BMPR1B: variants seen among roughly 807,000 people sequenced by gnomAD.
The protein encoded by BMPR1B is bone morphogenetic protein receptor type-1B.
BMPR1B carries 12 observed loss-of-function variants against 59.1 expected under a neutral mutation model. The ratio of observed to expected loss-of-function variants is 0.20; its 90% CI spans 0.13 to 0.33. The LOEUF is 0.33. Among genes scored for constraint, BMPR1B ranks in the 10% least tolerant of loss-of-function variants. The probability of loss-of-function intolerance (pLI) is 1.00; values close to 1 mark genes in which losing one functional copy is unlikely to be tolerated. For synonymous variants in BMPR1B, 237 were observed against 207.3 expected (o/e 1.14, Z -1.23); for missense variants, 550 against 610.9 (o/e 0.90, Z 1.05).
At chr4:95,134,731 T>G (rs1418084978) in intron 10 of BMPR1B, among the ~76,000 whole-genome samples, 1 of 152,162 alleles carries the variant, frequency 6.6e-6, no homozygotes, top group Non-Finnish European at 1.5e-5. Flanking sequence ...TTCTTGTAAA[T>G]TTGTTTGAGT....
chr4:94,798,686 G>A (rs1159243044), intron 1 of BMPR1B, among the ~76,000 whole-genome samples: 2 of 152,172 alleles, frequency 1.3e-5, no homozygotes, highest in African/African-American at 2.4e-5. Flanking sequence ...TGCCAGTCAG[G>A]CAGAGGTGCA....
intron 2 of BMPR1B, among the ~76,000 whole-genome samples, chr4:94,908,667 G>A (rs964216253): frequency 2.0e-5 from 3 of 151,798 alleles, no homozygotes; most frequent in South Asian, 2.1e-4. Context: ...CAAATACTCG[G>A]TCATGAAGAA....
chr4:94,840,414 T>A (rs971760928), intron 1 of BMPR1B, among the ~76,000 whole-genome samples: 1 of 148,190 alleles, frequency 6.7e-6, no homozygotes, highest in African/African-American at 2.5e-5. Context: ...AGATGTAGAT[T>A]TGGTCTTTTC....
intron 8 of BMPR1B, among the ~76,000 whole-genome samples, chr4:95,127,997 A>C (rs2149296592): frequency 6.6e-6 from 1 of 151,194 alleles, no homozygotes; most frequent in Non-Finnish European, 1.5e-5. Flanking sequence ...CGATCCTCCC[A>C]CCTCAGCCTC....
intron 2 of BMPR1B, among the ~76,000 whole-genome samples, chr4:94,928,883 A>G (rs1381053918): frequency 1.3e-5 from 2 of 152,090 alleles, no homozygotes; most frequent in Non-Finnish European, 2.9e-5. Flanking sequence ...TTATATTTGT[A>G]TTTTATGAGT....
chr4:95,125,011 T>G lies in BMPR1B; in HGVS notation c.475T>G (p.Tyr159Asp), dbSNP rs1366100450. 2.5e-6 allele frequency: 4 copies of G among 1,613,474 alleles called. No individual in the cohort carries two copies. The highest frequency in any genetic ancestry group is 3.4e-6 in the Non-Finnish European group (4 of 1,179,404). Residue 159 changes from tyrosine to aspartate, a missense_variant, in exon 8 of 13, where the codon TAC (tyrosine) becomes GAC (aspartate). Tyr to Asp is a radical substitution (Grantham distance 160, BLOSUM62 -3). This residue lies in a region of BMPR1B where 318 missense variants were observed against 284.6 expected (regional missense o/e 1.12). Coordinates refer to ENST00000515059, the MANE Select transcript of BMPR1B (RefSeq NM_001203.3). Reference protein sequence around the residue: ...RYKRQETRPRYSIGLEQDETY... With the variant: ...RYKRQETRPRDSIGLEQDETY... ...TAAAAGACAAGAAACCAGACCTCGA[T>G]ACAGCATTGGGTTAGAACAGGATGA...
At chr4:95,065,383 C>T (rs1397437195) in intron 3 of BMPR1B, among the ~76,000 whole-genome samples, 2 of 152,148 alleles carry the variant, frequency 1.3e-5, no homozygotes, top group African/African-American at 4.8e-5. Flanking sequence ...GGTTGCATAA[C>T]TCTATGCCTA....
chr4:95,114,917 T>A, intron 5 of BMPR1B, 95 bp downstream of exon 5: 6 of 1,197,544 alleles, frequency 5.0e-6, no homozygotes, highest in Non-Finnish European at 7.5e-6. Context: ...GGCCAGCCCA[T>A]TTTTAGTATA....
intron 1 of BMPR1B, among the ~76,000 whole-genome samples, chr4:94,825,459 C>A (rs1211027818): frequency 6.6e-6 from 1 of 152,170 alleles, no homozygotes; most frequent in Non-Finnish European, 1.5e-5. Context: ...GAGCTATTAT[C>A]ATGCCACTGC....
intron 10 of BMPR1B, among the ~76,000 whole-genome samples, chr4:95,136,336 T>C (rs1733782957): frequency 6.6e-6 from 1 of 152,236 alleles, no homozygotes; most frequent in Admixed American, 6.5e-5. Flanking sequence ...GATTTTTGCA[T>C]CGATGTTCAT....
chr4:94,993,300 A>G (rs1158401561), intron 2 of BMPR1B, among the ~76,000 whole-genome samples: 2 of 152,068 alleles, frequency 1.3e-5, no homozygotes, highest in Non-Finnish European at 2.9e-5. Context: ...CTCTTTATTA[A>G]TATTGATCTG....
At chr4:94,988,958 C>T (rs547615382) in intron 2 of BMPR1B, among the ~76,000 whole-genome samples, 7 of 152,172 alleles carry the variant, frequency 4.6e-5, no homozygotes, top group South Asian at 2.1e-4. Flanking sequence ...TTACACTGAG[C>T]GTCACCTGTT....
At chr4:94,801,155 C>T (rs1356531521) in intron 1 of BMPR1B, among the ~76,000 whole-genome samples, 3 of 152,186 alleles carry the variant, frequency 2.0e-5, no homozygotes, top group Non-Finnish European at 4.4e-5. Flanking sequence ...CCCTTCCTGC[C>T]TTCTTGCCCT....
At chr4:94,860,204 G>A (rs1052026501) in intron 1 of BMPR1B, among the ~76,000 whole-genome samples, 3 of 152,128 alleles carry the variant, frequency 2.0e-5, no homozygotes, top group Non-Finnish European at 2.9e-5. Context: ...TTTATATAGA[G>A]ATTCTTTCAC....
At chr4:95,153,853 AAACAAC>A (rs1222070515) in intron 12 of BMPR1B, among the ~76,000 whole-genome samples, 3 of 151,306 alleles carry the variant, frequency 2.0e-5, no homozygotes, top group Non-Finnish European at 4.5e-5. Context: ...ACAAATAAAC[AAACAAC>A]AACAAAAACA....
intron 1 of BMPR1B, among the ~76,000 whole-genome samples, chr4:94,862,735 G>A (rs1413464475): frequency 6.6e-6 from 1 of 151,712 alleles, no homozygotes; most frequent in African/African-American, 2.4e-5. Flanking sequence ...CATGAGGTCA[G>A]GAGATCGAGA....
intron 1 of BMPR1B, among the ~76,000 whole-genome samples, chr4:94,836,914 C>G (rs1724841443): frequency 6.7e-6 from 1 of 149,776 alleles, no homozygotes; most frequent in South Asian, 2.1e-4. Flanking sequence ...AATCTTTAAT[C>G]CATCTTGAAT....
intron 10 of BMPR1B, among the ~76,000 whole-genome samples, chr4:95,142,834 A>C: frequency 6.7e-6 from 1 of 148,500 alleles, no homozygotes; most frequent in Non-Finnish European, 1.5e-5. Flanking sequence ...TTTTTAACAT[A>C]ACACTTTTAG....
chr4:94,981,702 A>C (rs1373384602), intron 2 of BMPR1B, among the ~76,000 whole-genome samples: 1 of 152,192 alleles, frequency 6.6e-6, no homozygotes, highest in African/African-American at 2.4e-5. Flanking sequence ...CACTAAATAC[A>C]CTCTAAGGAA....
Sources: allele counts gnomAD v4.1 joint callset (sites outside exome capture counted in the v4.1 genomes callset), GRCh38; gene constraint gnomAD v4.1.1; regional missense constraint gnomAD v4.1.1; transcripts MANE v1.5; gene names NCBI Gene and HGNC (gene_info 2026-07-23, HGNC 2026-07-21).